MAP7: variants seen among roughly 807,000 people sequenced by gnomAD.
MAP7 encodes microtubule associated protein 7, also known as ensconsin.
Under a neutral mutation model 94.8 loss-of-function variants are expected in MAP7, and 52 were observed. The ratio of observed to expected loss-of-function variants is 0.55; its 90% CI spans 0.44 to 0.69. The LOEUF is 0.69. Ranked by LOEUF, MAP7 falls within the 30% of genes least tolerant of loss-of-function variation. The pLI, the probability that MAP7 is intolerant of heterozygous loss-of-function variation, is 0.00. For missense variants in MAP7, 940 were observed against 964.6 expected, an observed-to-expected ratio of 0.97 and a Z score of 0.34; for synonymous variants, 350 against 357.0, an observed-to-expected ratio of 0.98 and a Z score of 0.22.
chr6:136,495,317 T>C (rs1171525572), intron 1 of MAP7, among the ~76,000 whole-genome samples: 1 of 152,168 alleles, frequency 6.6e-6, no homozygotes, highest in Non-Finnish European at 1.5e-5. Context: ...CTCAGAAAAA[T>C]GCATATCCAG....
intron 3 of MAP7, among the ~76,000 whole-genome samples, chr6:136,400,416 A>C (rs1044662248): frequency 7.9e-5 from 11 of 138,402 alleles, no homozygotes; most frequent in Admixed American, 2.1e-4. Flanking sequence ...ACTCTGTCTC[A>C]AAAAAAAAAA....
intron 1 of MAP7, among the ~76,000 whole-genome samples, chr6:136,439,474 T>C (rs1222700187): frequency 6.6e-6 from 1 of 152,178 alleles, no homozygotes; most frequent in Admixed American, 6.5e-5. Context: ...AGGTTTTTGT[T>C]ATTAGCAGCA....
intron 1 of MAP7, among the ~76,000 whole-genome samples, chr6:136,450,151 G>C (rs959759618): frequency 6.6e-6 from 1 of 152,030 alleles, no homozygotes; most frequent in Non-Finnish European, 1.5e-5. Context: ...GCCACTGCAC[G>C]CCAGCCTGGG....
chr6:136,519,153 A>T (rs17065530), intron 1 of MAP7, among the ~76,000 whole-genome samples: 7,894 of 152,276 alleles, frequency 0.052, 272 homozygotes, highest in Middle Eastern at 0.088. Flanking sequence ...ACATTAGATG[A>T]TGTGATCCTT....
intron 3 of MAP7, 89 bp from the exon 4 acceptor site, chr6:136,389,606 C>A: frequency 8.4e-7 from 1 of 1,184,808 alleles, no homozygotes; most frequent in Non-Finnish European, 1.2e-6. Context: ...ATTAAGTGGT[C>A]TACAATGAAC....
At chr6:136,441,451 T>A (rs1797845987) in intron 1 of MAP7, among the ~76,000 whole-genome samples, 1 of 152,226 alleles carries the variant, frequency 6.6e-6, no homozygotes, top group Non-Finnish European at 1.5e-5. Flanking sequence ...ATAAAATTAA[T>A]GGTGTTTTAG....
chr6:136,456,972 GA>G (rs951608252), intron 1 of MAP7, among the ~76,000 whole-genome samples: 2 of 145,236 alleles, frequency 1.4e-5, no homozygotes, highest in Non-Finnish European at 3.0e-5. Context: ...ATCAGAGCAG[GA>G]AAAAAAAGGA....
At chr6:136,460,379 G>T (rs573849307) in intron 1 of MAP7, among the ~76,000 whole-genome samples, 93 of 152,044 alleles carry the variant, frequency 6.1e-4, no homozygotes, top group African/African-American at 2.1e-3. Flanking sequence ...TTTTGTTTTT[G>T]CCAAAATTTC....
At chr6:136,360,966 C>G (rs746977162) in intron 12 of MAP7, 39 bp downstream of exon 12, 1 of 1,551,276 alleles carries the variant, frequency 6.4e-7, no homozygotes, top group African/African-American at 1.4e-5. Context: ...CGTCTCCCTG[C>G]GGGACTGGGG....
At chr6:136,421,589 G>T (rs777158813) in intron 2 of MAP7, 112 bp downstream of exon 2, 1 of 963,462 alleles carries the variant, frequency 1.0e-6, no homozygotes, top group Non-Finnish European at 1.6e-6. Flanking sequence ...TCCTAAATTC[G>T]AGTTTTCTGG....
intron 1 of MAP7, among the ~76,000 whole-genome samples, chr6:136,478,615 G>A (rs1481222995): frequency 6.6e-6 from 1 of 151,910 alleles, no homozygotes; most frequent in African/African-American, 2.4e-5. Flanking sequence ...TGAAAAAGGA[G>A]GCATTACAAC....
chr6:136,419,978 T>C, intron 2 of MAP7: 1 of 712,290 alleles, frequency 1.4e-6, no homozygotes, highest in South Asian at 1.5e-5. Context: ...CTGGTTACAA[T>C]AACTGCAAAG....
At chr6:136,435,153 T>C (rs879113768) in intron 1 of MAP7, among the ~76,000 whole-genome samples, 2 of 152,140 alleles carry the variant, frequency 1.3e-5, no homozygotes, top group Admixed American at 1.3e-4. Flanking sequence ...GTGCCTACAA[T>C]AGTAGGAGAA....
chr6:136,438,140 G>A (rs916407850), intron 1 of MAP7, among the ~76,000 whole-genome samples: 1 of 152,194 alleles, frequency 6.6e-6, no homozygotes, highest in Non-Finnish European at 1.5e-5. Flanking sequence ...AGCACAGACA[G>A]CTCCAGCTTT....
intron 10 of MAP7, among the ~76,000 whole-genome samples, chr6:136,363,662 C>T (rs143429994): frequency 1.5e-3 from 228 of 152,334 alleles, no homozygotes; most frequent in African/African-American, 4.2e-3. Context: ...ATTGAATTCA[C>T]AGCTCCAGGT....
At chr6:136,344,291 C>A in intron 17 of MAP7, 53 bp from the exon 18 acceptor site, 1 of 946,724 alleles carries the variant, frequency 1.1e-6, no homozygotes, top group Non-Finnish European at 1.5e-6. Context: ...TATCTAAAAT[C>A]TTATTTCAAG....
chr6:136,488,000 C>T (rs561232530), intron 1 of MAP7, among the ~76,000 whole-genome samples: 6 of 152,234 alleles, frequency 3.9e-5, no homozygotes, highest in East Asian at 1.9e-4. Flanking sequence ...TGCGAAAGGG[C>T]GGCTTATGCT....
At chr6:136,356,234 T>A (rs1790886244) in intron 16 of MAP7, among the ~76,000 whole-genome samples, 2 of 152,200 alleles carry the variant, frequency 1.3e-5, no homozygotes, top group African/African-American at 4.8e-5. Flanking sequence ...TGGCAGGAGT[T>A]TGGCTCACTG....
intron 1 of MAP7, among the ~76,000 whole-genome samples, chr6:136,524,862 A>T (rs1374201605): frequency 1.3e-5 from 2 of 152,228 alleles, no homozygotes; most frequent in Non-Finnish European, 2.9e-5. Flanking sequence ...AGAAAATTTG[A>T]TACCTCAGTG....
Sources: gnomAD v4.1 joint callset for allele counts (sites outside exome capture counted in the v4.1 genomes callset) on GRCh38, gnomAD v4.1.1 for gene constraint, MANE v1.5 for transcripts, NCBI Gene and HGNC (gene_info 2026-07-23, HGNC 2026-07-21) for gene names.